The following NR6A1 variants were observed in gnomAD, a reference collection of about 807,000 sequenced individuals.
NR6A1 encodes nuclear receptor subfamily 6 group A member 1.
In NR6A1, 7 loss-of-function variants were observed where a neutral mutation model predicts 59.1. That is an observed-to-expected ratio of 0.12 (90% CI 0.07 to 0.22). NR6A1 has a LOEUF of 0.22. Among genes scored for constraint, NR6A1 ranks in the 10% least tolerant of loss-of-function variants. The pLI is 1.00. For missense variants in NR6A1, 468 were observed against 611.6 expected (o/e 0.77, Z 2.48); for synonymous variants, 243 against 236.1 (o/e 1.03, Z -0.27).
chr9:124,637,689 G>A (rs1288938256), intron 2 of NR6A1, among the ~76,000 whole-genome samples: 2 of 151,266 alleles, frequency 1.3e-5, no homozygotes, highest in South Asian at 2.1e-4. Flanking sequence ...CCAGGAGTTC[G>A]ACACCAGCCT....
chr9:124,579,729 A>G (rs1333628022), intron 2 of NR6A1, among the ~76,000 whole-genome samples: 1 of 152,198 alleles, frequency 6.6e-6, no homozygotes, highest in African/African-American at 2.4e-5. Flanking sequence ...AATTAAACAT[A>G]GCCGGGCACG....
intron 2 of NR6A1, among the ~76,000 whole-genome samples, chr9:124,696,482 AG>A (rs1414594591): frequency 1.3e-5 from 2 of 151,800 alleles, no homozygotes; most frequent in African/African-American, 4.8e-5. Context: ...TTATACTTAG[AG>A]AAAATAACAT....
intron 1 of NR6A1, among the ~76,000 whole-genome samples, chr9:124,763,543 G>A (rs572300124): frequency 6.6e-6 from 1 of 152,268 alleles, no homozygotes; most frequent in African/African-American, 2.4e-5. Context: ...TCAATAAATG[G>A]GAAGAGATTA....
At chr9:124,736,854 G>A (rs1336887963) in intron 1 of NR6A1, among the ~76,000 whole-genome samples, 2 of 151,934 alleles carry the variant, frequency 1.3e-5, no homozygotes, top group African/African-American at 4.8e-5. Flanking sequence ...AAAAAATAAA[G>A]AATTAAATGA....
At chr9:124,747,080 C>G (rs138683507) in intron 1 of NR6A1, among the ~76,000 whole-genome samples, 1 of 151,890 alleles carries the variant, frequency 6.6e-6, no homozygotes, top group East Asian at 1.9e-4. Flanking sequence ...GACACATTAT[C>G]AATAATACTC....
At chr9:124,718,703 T>C (rs1007472430) in intron 2 of NR6A1, among the ~76,000 whole-genome samples, 2 of 151,898 alleles carry the variant, frequency 1.3e-5, no homozygotes, top group Non-Finnish European at 2.9e-5. Context: ...TGGATCACCT[T>C]CCAGACTAAA....
rs1428190598 is a variant in NR6A1, at chr9:124,692,348, T to A, written c.142+40960A>T. ...ACACAAATTGATTTTATAATTTAAATACTCTCGACTTGAAACCCAGAGAGG... is the reference window on the plus strand; with the variant it reads ...ACACAAATTGATTTTATAATTTAAAAACTCTCGACTTGAAACCCAGAGAGG... On this transcript the variant is annotated intron_variant, in intron 2 of 9. Coordinates refer to ENST00000487099, the MANE Select transcript of NR6A1 (RefSeq NM_033334.4). 4 of 354,004 alleles carry A rather than the reference T, an allele frequency of 1.1e-5. No individual in the cohort carries two copies. In the Admixed American group the frequency reaches 1.1e-4, roughly 10 times the overall value. 21.9% of individuals were successfully genotyped at this position (354,004 alleles called of 1,614,324 possible). A position where few individuals can be genotyped will look rare whatever the true frequency, so the allele number is the denominator to read the frequency against.
At chr9:124,552,626 AGTTAACT>A (rs1588660623) in intron 3 of NR6A1, among the ~76,000 whole-genome samples, 4 of 152,334 alleles carry the variant, frequency 2.6e-5, no homozygotes, top group South Asian at 2.1e-4. Context: ...ATTATAATTT[AGTTAACT>A]GTTAACTGTC....
In NR6A1 at chr9:124,556,725, T is replaced by A. The variant is rs190888932; in HGVS notation, c.143-2155A>T. ...ATCTGCACACCTTGGCCTCCCAAAGTGCTGGGATTAGAGGTGTGAGCCACC... is the reference window on the plus strand; with the variant it reads ...ATCTGCACACCTTGGCCTCCCAAAGAGCTGGGATTAGAGGTGTGAGCCACC... On this transcript the variant is annotated intron_variant, in intron 2 of 9. Transcript: ENST00000487099. Among the ~76,000 whole-genome samples, 293 of 152,248 alleles carry A rather than the reference T, an allele frequency of 1.9e-3. 1 individual carries two copies. Among genetic ancestry groups the A allele is most frequent in the Non-Finnish European group, 3.6e-3 (246 of 68,014 alleles).
At chr9:124,664,335 G>A (rs1837538191) in intron 2 of NR6A1, among the ~76,000 whole-genome samples, 1 of 152,206 alleles carries the variant, frequency 6.6e-6, no homozygotes, top group Non-Finnish European at 1.5e-5. Flanking sequence ...TTTTCTCCCA[G>A]AAATTGGCTG....
intron 2 of NR6A1, among the ~76,000 whole-genome samples, chr9:124,577,640 C>A (rs567888396): frequency 1.3e-5 from 2 of 152,336 alleles, no homozygotes; most frequent in South Asian, 4.1e-4. Context: ...TATACTACAG[C>A]TGCCTCTGCA....
intron 1 of NR6A1, among the ~76,000 whole-genome samples, chr9:124,736,504 T>G (rs995960904): frequency 6.6e-6 from 1 of 152,168 alleles, no homozygotes; most frequent in Non-Finnish European, 1.5e-5. Flanking sequence ...CTAACTTTGT[T>G]GTAAATTGGG....
At chr9:124,759,995 G>A (rs981000044) in intron 1 of NR6A1, among the ~76,000 whole-genome samples, 9 of 149,044 alleles carry the variant, frequency 6.0e-5, no homozygotes, top group African/African-American at 1.2e-4. Context: ...AGCCAAGATC[G>A]CACCACTGCA....
chr9:124,613,836 T>C (rs904704946), intron 2 of NR6A1, among the ~76,000 whole-genome samples: 3 of 152,168 alleles, frequency 2.0e-5, no homozygotes, highest in Admixed American at 6.6e-5. Flanking sequence ...CAAAAACATA[T>C]ATTTAAAAGT....
intron 1 of NR6A1, among the ~76,000 whole-genome samples, chr9:124,745,926 T>A (rs1840318627): frequency 6.9e-6 from 1 of 145,404 alleles, no homozygotes; most frequent in Non-Finnish European, 1.5e-5. Flanking sequence ...AGGCAGAGGT[T>A]GCAGTAAGCC....
In NR6A1 at chr9:124,520,108, C is replaced by A. The variant is rs1418703244; in HGVS notation, c.*2597G>T. On this transcript the variant is annotated 3_prime_UTR_variant, in exon 10 of 10. Transcript: ENST00000487099. ...ACACCAAACCTCCCCTCCAACCTTT[C>A]TCCGTGTCCTTCAAACCAAATTCAC... The A allele has an allele frequency of 6.6e-6, 1 of 152,124 alleles. No homozygotes were observed. The highest frequency in any genetic ancestry group is 1.5e-5 in the Non-Finnish European group (1 of 68,046). The allele number at this position is 152,124 out of a possible 1,614,324, so 9.4% of individuals were successfully genotyped here.
chr9:124,619,581 T>TA (rs565775736), intron 2 of NR6A1, among the ~76,000 whole-genome samples: 2 of 152,028 alleles, frequency 1.3e-5, no homozygotes, highest in Admixed American at 6.6e-5. Context: ...TTACTTTTTT[T>TA]AAAAAAACTG....
chr9:124,575,003 G>C (rs1481259782), intron 2 of NR6A1, among the ~76,000 whole-genome samples: 2 of 152,250 alleles, frequency 1.3e-5, no homozygotes, highest in South Asian at 2.1e-4. Flanking sequence ...TCCTGTAATG[G>C]TAAGCTAGGT....
At position 124,750,162 on chromosome 9, in the gene NR6A1, C is replaced by G. The variant is rs1227503400; in HGVS notation, c.101-16813G>C. The stretch of plus-strand genomic sequence containing the variant: ...TTTCAGTCCCTACCATGTTAAGGCT[C>G]TCATGTTTCTAGTTTATATTATTCA... On this transcript the variant is annotated intron_variant, in intron 1 of 9. Coordinates refer to ENST00000487099, the MANE Select transcript of NR6A1 (RefSeq NM_033334.4). Among the ~76,000 whole-genome samples, 16 of 152,198 alleles carry G rather than the reference C, an allele frequency of 1.1e-4. 1 individual carries two copies. The highest frequency in any genetic ancestry group is 4.4e-5 in the Non-Finnish European group (3 of 68,032).
Sources: gnomAD v4.1 joint callset for allele counts (sites outside exome capture counted in the v4.1 genomes callset) on GRCh38, gnomAD v4.1.1 for gene constraint, MANE v1.5 for transcripts, NCBI Gene and HGNC (gene_info 2026-07-23, HGNC 2026-07-21) for gene names.